The following OBSL1 variants were observed in gnomAD, a reference collection of about 807,000 sequenced individuals.
OBSL1 encodes the protein obscurin-like protein 1.
In OBSL1, 160 loss-of-function variants were observed where a neutral mutation model predicts 172.0. The ratio of observed to expected loss-of-function variants is 0.93; its 90% CI spans 0.82 to 1.06. The LOEUF (loss-of-function observed/expected upper bound fraction) is 1.06. OBSL1 is among the 50% of genes least tolerant of loss of function. OBSL1 has a pLI of 0.00. For synonymous variants in OBSL1, 1,200 were observed against 1,196.3 expected, an observed-to-expected ratio of 1.00 and a Z score of -0.06; for missense variants, 2,681 against 2,715.4, an observed-to-expected ratio of 0.99 and a Z score of 0.28.
In OBSL1 at chr2:219,551,675, GC is replaced by G. The variant is rs987155790; in HGVS notation, c.5536del (p.Ala1846ProfsTer48). The G allele has an allele frequency of 1.2e-6, 2 of 1,610,716 alleles. No individual in the cohort carries two copies. The highest frequency in any genetic ancestry group is 2.7e-5 in the African/African-American group (2 of 74,900). ...ATACTTATCTCCCGGGCACAGCTCG[GC>G]CCCCTCCCGCAGCCAGCACACGTGG... Reference protein sequence around the residue: ...GGHVCWLREGAELCPGDKYEM... With the variant: ...GGHVCWLREGXELCPGDKYEM... On this transcript the variant is annotated frameshift_variant, in exon 20 of 21. Transcript: ENST00000404537. LOFTEE classifies it high-confidence loss of function.
intron 20 of OBSL1, chr2:219,551,285 C>T: frequency 7.1e-7 from 1 of 1,403,260 alleles, no homozygotes; most frequent in Non-Finnish European, 9.2e-7. Flanking sequence ...AGAGGAGAAG[C>T]CTGGCAAGAA....
In OBSL1 at chr2:219,556,265, A is replaced by C; in HGVS notation, c.4364T>G (p.Leu1455Trp). 1.3e-6 allele frequency: 2 copies of C among 1,590,694 alleles called. No individual in the cohort carries two copies. The highest frequency in any genetic ancestry group is 1.7e-6 in the Non-Finnish European group (2 of 1,164,762). Residue 1455 changes from leucine to tryptophan, a missense_variant, in exon 14 of 21, where the codon TTG (leucine) becomes TGG (tryptophan). This residue lies in a region of OBSL1 where 1,765 missense variants were observed against 1,748.3 expected (regional missense o/e 1.01). Transcript: ENST00000404537. ...GCCTTCCTCTGCCCGCACATCCTGC[A>C]ACCGCCGTAGGAACAGCAGCTCTGT... ...RETELLFLRRLQDVRAEEGQD... is the reference protein window; with the variant it reads ...RETELLFLRRWQDVRAEEGQD...
Position 219,565,480 on chromosome 2 carries a change from C to T in OBSL1, c.2169G>A (p.Arg723=). ...SPVHILSPQD[R]VSLTFTTSER... ...CTGAGGTTGTGAAGGTCAACGACACCCTGTCCTGGGGGCTCAGGATGTGCA... is the reference window on the plus strand; with the variant it reads ...CTGAGGTTGTGAAGGTCAACGACACTCTGTCCTGGGGGCTCAGGATGTGCA... The change falls in exon 6 of 21, where the codon AGG becomes AGA. Residue 723 remains arginine, a synonymous_variant. Transcript: ENST00000404537. 4 of 1,611,990 alleles carry T rather than the reference C, an allele frequency of 2.5e-6. No individual in the cohort carries two copies. Among genetic ancestry groups the T allele is most frequent in the Non-Finnish European group, 3.4e-6 (4 of 1,179,874 alleles).
downstream of OBSL1, chr2:219,548,195 G>A: frequency 1.0e-6 from 1 of 994,826 alleles, no homozygotes; most frequent in Non-Finnish European, 1.4e-6. Context: ...TGGCGGTAGA[G>A]AGCTGACTTG....
At position 219,570,282 on chromosome 2, in the gene OBSL1, G is replaced by A. The variant is rs780389591; in HGVS notation, c.951C>T (p.Tyr317=). The A allele has an allele frequency of 1.2e-6, 2 of 1,607,066 alleles. No individual in the cohort carries two copies. Among genetic ancestry groups the A allele is most frequent in the South Asian group, 1.1e-5 (1 of 90,810 alleles). The change falls in exon 1 of 21, where the codon TAC becomes TAT. Residue 317 remains tyrosine (Y), a synonymous_variant. Transcript: ENST00000404537. ...CCGCCGAGTTGCGCGCGGCGCAGAC[G>A]TAGAGCCCACGATCCTTGGCCTGGC... ...LYCQAKDRGL[Y]VCAARNSAGQ... is the part of the protein sequence containing the mutation.
downstream of OBSL1, chr2:219,549,683 G>T (rs201993517): frequency 2.5e-6 from 4 of 1,607,048 alleles, no homozygotes; most frequent in African/African-American, 4.0e-5. Context: ...AGGATTCTGC[G>T]GTGGGACTCA....
rs1396084300 is a variant in OBSL1, at chr2:219,557,359, G to A, written c.4050C>T (p.Phe1350=). The change falls in exon 12 of 21, where the codon TTC becomes TTT. Residue 1350 remains phenylalanine (F), a synonymous_variant. Transcript: ENST00000404537. The part of the protein sequence containing the change: ...LCDAPQDSRI[F]LVSVEEPLLV... ...CACTGTTACCTTCCACGCTGACAAG[G>A]AAGATGCGGCTGTCCTGGGGCGCAT... is the stretch of plus-strand genomic sequence containing the variant. 3 of 1,507,314 alleles carry A rather than the reference G, an allele frequency of 2.0e-6. No homozygotes were observed. The highest frequency in any genetic ancestry group is 2.8e-5 in the African/African-American group (2 of 72,570). 93.4% of individuals were successfully genotyped at this position (1,507,314 alleles called of 1,614,324 possible).
At chr2:219,549,196 C>T (rs558181531), downstream of OBSL1, 33 of 1,613,860 alleles carry the variant, frequency 2.0e-5, no homozygotes, top group East Asian at 8.9e-5. Context: ...GATGCGGATT[C>T]GGCAGCAGGA....
Position 219,570,266 on chromosome 2 carries a change from TGCGCGCGGCGCAGAC to T in OBSL1, c.952_966del (p.Val318_Arg322del). 6.3e-7 allele frequency: 1 copy of T among 1,597,498 alleles called. No homozygotes were observed. The highest frequency in any genetic ancestry group is 8.6e-7 in the Non-Finnish European group (1 of 1,169,412). On this transcript the variant is annotated inframe_deletion, in exon 1 of 21. Coordinates refer to ENST00000404537, the MANE Select transcript of OBSL1 (RefSeq NM_015311.3). ...GCACTGAGCGTCTGGCCCGCCGAGT[TGCGCGCGGCGCAGAC>T]GTAGAGCCCACGATCCTTGGCCTGG...
At position 219,557,821 on chromosome 2, in the gene OBSL1, A is replaced by T. The variant is rs1392117279; in HGVS notation, c.3790+2T>A. The T allele has an allele frequency of 1.3e-6, 2 of 1,596,084 alleles. No homozygotes were observed. The highest frequency in any genetic ancestry group is 1.7e-6 in the Non-Finnish European group (2 of 1,178,684). On this transcript the variant is annotated splice_donor_variant, in intron 11 of 20. Coordinates refer to ENST00000404537, the MANE Select transcript of OBSL1 (RefSeq NM_015311.3). LOFTEE classifies it high-confidence loss of function. ...CAGGCTTAATGCCCAGGCTGTACTC[A>T]CCAGCCACCTGGACGGTGAAGCTGA...
chr2:219,562,700 G>A (rs920921982), intron 7 of OBSL1, 26 bp from the exon 8 acceptor site: 30 of 1,518,676 alleles, frequency 2.0e-5, no homozygotes, highest in Admixed American at 1.0e-4. Flanking sequence ...AGCCACTGCC[G>A]GGCATGAGGG....
chr2:219,554,393 C>A (rs905280524), intron 15 of OBSL1, 81 bp downstream of exon 15: 1 of 1,512,164 alleles, frequency 6.6e-7, no homozygotes, highest in Non-Finnish European at 9.1e-7. Flanking sequence ...GGGGGTCACA[C>A]GAGTTGGGGG....
In OBSL1 at chr2:219,554,751, G is replaced by A; in HGVS notation, c.4610-11C>T. 2 of 1,531,972 alleles carry A rather than the reference G, an allele frequency of 1.3e-6. No homozygotes were observed. Among genetic ancestry groups the A allele is most frequent in the South Asian group, 1.2e-5 (1 of 81,250 alleles). 94.9% of individuals were successfully genotyped at this position (1,531,972 alleles called of 1,614,324 possible). On this transcript the variant is annotated splice_polypyrimidine_tract_variant and intron_variant, in intron 14 of 20. Transcript: ENST00000404537. Reference sequence around the variant, plus strand: ...CCCTCAGCTGCCTCGCTGGCCGGGGGAGATGGAGAGAGGGAGGATGAGGCC... The same window carrying A: ...CCCTCAGCTGCCTCGCTGGCCGGGGAAGATGGAGAGAGGGAGGATGAGGCC...
chr2:219,554,009 G>C (rs1695825496), intron 15 of OBSL1, among the ~76,000 whole-genome samples: 1 of 151,774 alleles, frequency 6.6e-6, no homozygotes, highest in African/African-American at 2.4e-5. Context: ...GAACATCCTG[G>C]GACTGGAAGT....
chr2:219,556,391 T>C, intron 13 of OBSL1, 63 bp downstream of exon 13: 1 of 1,598,060 alleles, frequency 6.3e-7, no homozygotes, highest in Non-Finnish European at 8.5e-7. Context: ...GCAAGGCTGC[T>C]GGAATCCTGG....
In OBSL1 at chr2:219,571,234, GCGGCGGCCGA is replaced by G. The variant is rs1171106687; in HGVS notation, c.-12_-3del. The G allele has an allele frequency of 7.6e-7, 1 of 1,320,538 alleles. No individual in the cohort carries two copies. The highest frequency in any genetic ancestry group is 2.1e-5 in the South Asian group (1 of 47,760). The allele number at this position is 1,320,538 out of a possible 1,614,324, so 81.8% of individuals were successfully genotyped here. ...CTGATCCCCCGAGCTCGCCTTCATC[GCGGCGGCCGA>G]CCGCCTGCAGCGGCGAACGGTGGGG... On this transcript the variant is annotated 5_prime_UTR_variant, in exon 1 of 21. Transcript: ENST00000404537.
Position 219,552,939 on chromosome 2 carries a change from G to C in OBSL1, c.5075C>G (p.Pro1692Arg). The C allele has an allele frequency of 6.5e-7, 1 of 1,535,992 alleles. No homozygotes were observed. The highest frequency in any genetic ancestry group is 8.7e-7 in the Non-Finnish European group (1 of 1,144,302). The change falls in exon 17 of 21, where the codon CCC (proline) becomes CGC (arginine). Residue 1692 changes from proline (P) to arginine (R), a missense_variant. This residue lies in a region of OBSL1 where 1,765 missense variants were observed against 1,748.3 expected (regional missense o/e 1.01). Coordinates refer to ENST00000404537, the MANE Select transcript of OBSL1 (RefSeq NM_015311.3). ...GCAGCTGTAGGTCCCGGCGTCCGAG[G>C]GGCCGCAGCGTCGCAGCTGGAGAAG... ...RRLLQLRRCG[P>R]SDAGTYSCAV... is the part of the protein sequence containing the mutation.
Position 219,571,265 on chromosome 2 carries a change from T to TGGGGGGGCGGGG in OBSL1, c.-34_-33insCCCCGCCCCCCC. 6.6e-6 allele frequency: 5 copies of TGGGGGGGCGGGG among 756,426 alleles called. No homozygotes were observed. Among genetic ancestry groups the TGGGGGGGCGGGG allele is most frequent in the Non-Finnish European group, 8.6e-6 (5 of 583,238 alleles). The allele number at this position is 756,426 out of a possible 1,614,324, so 46.9% of individuals were successfully genotyped here. A position where few individuals can be genotyped will look rare whatever the true frequency, so the allele number is the denominator to read the frequency against. On this transcript the variant is annotated 5_prime_UTR_variant, in exon 1 of 21. Transcript: ENST00000404537. ...GCCGACCGCCTGCAGCGGCGAACGG[T>TGGGGGGGCGGGG]GGGGGGGCAGGGGGGGGTGCGGAGG...
chr2:219,571,240 G>A lies in OBSL1; in HGVS notation c.-8C>T. 2 of 1,262,800 alleles carry A rather than the reference G, an allele frequency of 1.6e-6. No individual in the cohort carries two copies. Among genetic ancestry groups the A allele is most frequent in the East Asian group, 3.3e-5 (1 of 29,930 alleles). 78.2% of individuals were successfully genotyped at this position (1,262,800 alleles called of 1,614,324 possible). A position where few individuals can be genotyped will look rare whatever the true frequency, so the allele number is the denominator to read the frequency against. ...CCCCGAGCTCGCCTTCATCGCGGCG[G>A]CCGACCGCCTGCAGCGGCGAACGGT... On this transcript the variant is annotated 5_prime_UTR_variant, in exon 1 of 21. Transcript: ENST00000404537.
Sources: gnomAD v4.1 joint callset for allele counts (sites outside exome capture counted in the v4.1 genomes callset) on GRCh38, gnomAD v4.1.1 for gene constraint, gnomAD v4.1.1 regional missense constraint, MANE v1.5 for transcripts, NCBI Gene and HGNC (gene_info 2026-07-23, HGNC 2026-07-21) for gene names.